SI: variants seen among roughly 807,000 people sequenced by gnomAD.
SI encodes the protein sucrase-isomaltase, also known as sucrase-isomaltase, intestinal.
SI carries 235 observed loss-of-function variants against 253.3 expected under a neutral mutation model. The ratio of observed to expected loss-of-function variants is 0.93; its 90% CI spans 0.83 to 1.03. The LOEUF is 1.03. SI is among the 50% of genes least tolerant of loss of function. SI has a pLI of 0.00. For synonymous variants in SI, 819 were observed against 712.0 expected (o/e 1.15, Z -2.39); for missense variants, 2,442 against 2,211.1 (o/e 1.10, Z -2.09).
At chr3:165,026,146 T>C (rs1008803428) in intron 25 of SI, among the ~76,000 whole-genome samples, 9 of 151,068 alleles carry the variant, frequency 6.0e-5, no homozygotes, top group Non-Finnish European at 1.3e-4. Flanking sequence ...AAAAAAACAT[T>C]CCATGCAAAT....
chr3:165,077,665 A>C (rs1235253153), intron 1 of SI, among the ~76,000 whole-genome samples: 1 of 151,712 alleles, frequency 6.6e-6, no homozygotes, highest in Non-Finnish European at 1.5e-5. Context: ...GAGAAATGAC[A>C]AAGTTACATT....
chr3:165,007,957 A>G lies in SI; in HGVS notation c.4221T>C (p.Thr1407=), dbSNP rs888485428. 4 of 1,602,974 alleles carry G rather than the reference A, an allele frequency of 2.5e-6. No homozygotes were observed. The highest frequency in any genetic ancestry group is 3.4e-6 in the Non-Finnish European group (4 of 1,171,026). The part of the protein sequence containing the change: ...EPSSFVNGTT[T]NQCRNDELNY... The stretch of plus-strand genomic sequence containing the variant: ...TTAGTTCGTCATTTCTGCATTGATT[A>G]GTAGTTGTTCCATTTACAAAACTTG... The change falls in exon 36 of 48, where the codon ACT becomes ACC. Residue 1407 remains threonine (T), a synonymous_variant. Coordinates refer to ENST00000264382, the MANE Select transcript of SI (RefSeq NM_001041.4).
At chr3:165,071,940 G>A (rs1714605303) in intron 3 of SI, among the ~76,000 whole-genome samples, 1 of 152,058 alleles carries the variant, frequency 6.6e-6, no homozygotes, top group Admixed American at 6.6e-5. Flanking sequence ...CCGAGCTAAT[G>A]CACTTTGCAT....
chr3:164,983,912 A>C (rs1717316189), intron 45 of SI, among the ~76,000 whole-genome samples: 1 of 152,044 alleles, frequency 6.6e-6, no homozygotes. Flanking sequence ...ATCTTGCCAT[A>C]TTTAAAACTC....
chr3:165,032,987 T>G (rs1197186714), intron 23 of SI, among the ~76,000 whole-genome samples: 1 of 151,426 alleles, frequency 6.6e-6, no homozygotes, highest in Admixed American at 6.6e-5. Context: ...GAAGAATGTA[T>G]GAAAAAACCC....
chr3:165,089,996 T>C, the SI span, among the ~76,000 whole-genome samples: 2 of 152,072 alleles, frequency 1.3e-5, no homozygotes, highest in South Asian at 2.1e-4. Context: ...ACAGCTCTTT[T>C]TGTAATGAAA....
At chr3:165,006,226 A>G (rs924907747) in intron 37 of SI, among the ~76,000 whole-genome samples, 1 of 152,154 alleles carries the variant, frequency 6.6e-6, no homozygotes, top group African/African-American at 2.4e-5. Context: ...CTTGTGCCTC[A>G]GCCTCCCGAG....
intron 24 of SI, 121 bp downstream of exon 24, chr3:165,032,401 G>A (rs1329535774): frequency 8.2e-6 from 5 of 610,270 alleles, no homozygotes; most frequent in Middle Eastern, 4.5e-4. Context: ...GAAGAAGGAA[G>A]CAACGAAGGG....
At chr3:165,057,701 G>GA (rs368533043) in intron 12 of SI, among the ~76,000 whole-genome samples, 1,396 of 123,762 alleles carry the variant, frequency 0.011, 9 homozygotes, top group Middle Eastern at 0.071. Context: ...ATGCTGTAGA[G>GA]AAAAAAAAAA....
At chr3:164,999,940 T>C (rs758062161) in intron 37 of SI, among the ~76,000 whole-genome samples, 3 of 151,580 alleles carry the variant, frequency 2.0e-5, no homozygotes, top group Non-Finnish European at 3.0e-5. Flanking sequence ...CTTCACTGCT[T>C]TATTTTTTCA....
chr3:165,011,521 A>G (rs1437257044), intron 34 of SI, among the ~76,000 whole-genome samples: 3 of 152,052 alleles, frequency 2.0e-5, no homozygotes, highest in African/African-American at 7.2e-5. Flanking sequence ...CTTGTGACTT[A>G]ACATGTGATC....
intron 5 of SI, among the ~76,000 whole-genome samples, 192 bp from the exon 6 acceptor site, chr3:165,067,683 G>T (rs893783205): frequency 2.0e-5 from 3 of 151,880 alleles, no homozygotes; most frequent in African/African-American, 7.3e-5. Context: ...AAATTTTAAA[G>T]AAATACATAG....
intron 44 of SI, among the ~76,000 whole-genome samples, chr3:164,990,201 C>T (rs1269748898): frequency 6.6e-6 from 1 of 152,034 alleles, no homozygotes; most frequent in African/African-American, 2.4e-5. Flanking sequence ...TCTGGACCTT[C>T]TCAATTTTGC....
Position 164,987,209 on chromosome 3 carries a change from T to A in SI, c.5126A>T (p.Lys1709Met). The A allele has an allele frequency of 6.2e-7, 1 of 1,613,616 alleles. No individual in the cohort carries two copies. Among genetic ancestry groups the A allele is most frequent in the Middle Eastern group, 1.7e-4 (1 of 6,056 alleles). ...ATTATCATCTGCAGCAACAATGAGC[T>A]TCATGTGTTTTTGTCGACTATAAGA... ...NTFYSRQKHM[K>M]LIVAADDNQM... Residue 1709 changes from lysine (K) to methionine (M), a missense_variant, in exon 45 of 48, where the codon AAG (lysine) becomes ATG (methionine). Lys to Met is a moderately conservative substitution (Grantham distance 95, BLOSUM62 -1). Coordinates refer to ENST00000264382, the MANE Select transcript of SI (RefSeq NM_001041.4).
chr3:165,016,138 A>G, intron 31 of SI, 58 bp from the exon 32 acceptor site: 1 of 1,419,186 alleles, frequency 7.0e-7, no homozygotes, highest in Non-Finnish European at 1.0e-6. Context: ...TAAGTGTATC[A>G]TATTTTATCA....
chr3:165,080,540 G>C (rs2108126847), upstream of SI, among the ~76,000 whole-genome samples: 1 of 152,030 alleles, frequency 6.6e-6, no homozygotes, highest in Admixed American at 6.6e-5. Flanking sequence ...AAGAAAATGT[G>C]GCTCATATAC....
intron 37 of SI, 113 bp downstream of exon 37, chr3:165,006,703 T>C (rs902268118): frequency 6.2e-5 from 55 of 889,850 alleles, no homozygotes; most frequent in Non-Finnish European, 8.0e-5. Flanking sequence ...CAGAGAACAA[T>C]TGGGAAGTAA....
At position 164,982,406 on chromosome 3, in the gene SI, G is replaced by T. The variant is rs377361477; in HGVS notation, c.5252C>A (p.Thr1751Asn). 1.2e-6 allele frequency: 2 copies of T among 1,607,570 alleles called. No homozygotes were observed. The highest frequency in any genetic ancestry group is 2.2e-5 in the South Asian group (2 of 90,904). Reference sequence around the variant, plus strand: ...TCTCTTCAATATAGTGCTTGTTAAGGTGGTCTATAAATAAAGAAAAAGGAA... The same window carrying T: ...TCTCTTCAATATAGTGCTTGTTAAGTTGGTCTATAAATAAAGAAAAAGGAA... ...LSVQFNLNQT[T>N]LTSTILKRGY... is the part of the protein sequence containing the mutation. Residue 1751 changes from threonine (T) to asparagine (N), a missense_variant, in exon 47 of 48, where the codon ACC becomes AAC. Physicochemically the swap from Thr to Asn is moderately conservative, Grantham distance 65. Transcript: ENST00000264382.
At chr3:165,008,871 C>T (rs1378995225) in intron 35 of SI, among the ~76,000 whole-genome samples, 1 of 151,718 alleles carries the variant, frequency 6.6e-6, no homozygotes, top group East Asian at 1.9e-4. Context: ...AATCTTACTA[C>T]TAACATTTTA....
Sources: allele counts gnomAD v4.1 joint callset (sites outside exome capture counted in the v4.1 genomes callset), GRCh38; gene constraint gnomAD v4.1.1; transcripts MANE v1.5; gene names NCBI Gene and HGNC (gene_info 2026-07-23, HGNC 2026-07-21).